TFDP2: variants seen among roughly 807,000 people sequenced by gnomAD.
The protein encoded by TFDP2 is transcription factor Dp-2 (E2F dimerization partner 2).
A neutral mutation model predicts 59.3 loss-of-function variants in TFDP2; 17 were observed. That is an observed-to-expected ratio of 0.29 (90% CI 0.20 to 0.43). The LOEUF is 0.43. Ranked by LOEUF, TFDP2 falls within the 20% of genes least tolerant of loss-of-function variation. TFDP2 has a pLI of 1.00. For missense variants in TFDP2, 391 were observed against 528.8 expected (o/e 0.74, Z 2.56); for synonymous variants, 180 against 194.7 (o/e 0.92, Z 0.63).
chr3:142,041,029 C>T (rs1946940759), intron 3 of TFDP2, among the ~76,000 whole-genome samples: 1 of 152,282 alleles, frequency 6.6e-6, no homozygotes. Context: ...AATCTGTCTC[C>T]TTCAGCTGTA....
intron 1 of TFDP2, among the ~76,000 whole-genome samples, chr3:142,139,424 T>G (rs1365964115): frequency 5.3e-5 from 8 of 152,180 alleles, no homozygotes; most frequent in African/African-American, 1.9e-4. Flanking sequence ...GTTAGCTGGT[T>G]ATTTTGCCTG....
intron 1 of TFDP2, among the ~76,000 whole-genome samples, chr3:142,130,028 C>T (rs542500968): frequency 5.9e-5 from 9 of 152,038 alleles, no homozygotes; most frequent in African/African-American, 2.2e-4. Flanking sequence ...GAAAATAATA[C>T]GGCAGTTTCT....
At chr3:142,049,099 A>T (rs928873823) in intron 3 of TFDP2, among the ~76,000 whole-genome samples, 1 of 152,254 alleles carries the variant, frequency 6.6e-6, no homozygotes, top group Non-Finnish European at 1.5e-5. Context: ...AGAGAAAGTA[A>T]GATGGCAACT....
intron 3 of TFDP2, among the ~76,000 whole-genome samples, chr3:142,068,261 C>T (rs112479464): frequency 0.012 from 1,759 of 152,176 alleles, 39 homozygotes; most frequent in African/African-American, 0.041. Context: ...ATTCTTTATA[C>T]CTGTCATAAA....
intron 1 of TFDP2, among the ~76,000 whole-genome samples, chr3:142,102,620 A>G (rs1380114626): frequency 6.6e-6 from 1 of 152,244 alleles, no homozygotes; most frequent in Non-Finnish European, 1.5e-5. Context: ...TAGCGTTGAA[A>G]TATCTCCCTA....
At chr3:142,048,274 G>T (rs920530178) in intron 3 of TFDP2, among the ~76,000 whole-genome samples, 1 of 151,952 alleles carries the variant, frequency 6.6e-6, no homozygotes, top group Non-Finnish European at 1.5e-5. Flanking sequence ...AATTAGCTGG[G>T]CATGGTGGCA....
chr3:142,041,607 T>C (rs1000800227), intron 3 of TFDP2, among the ~76,000 whole-genome samples: 1 of 152,242 alleles, frequency 6.6e-6, no homozygotes, highest in Non-Finnish European at 1.5e-5. Context: ...CTTCTCTTTA[T>C]AAATTACCAA....
chr3:141,954,268 T>C (rs1936289157), intron 11 of TFDP2, among the ~76,000 whole-genome samples: 1 of 152,230 alleles, frequency 6.6e-6, no homozygotes, highest in South Asian at 2.1e-4. Flanking sequence ...TCAATTCTTA[T>C]TGTAATTTTA....
At chr3:142,023,482 C>T (rs907841266) in intron 3 of TFDP2, among the ~76,000 whole-genome samples, 3 of 151,962 alleles carry the variant, frequency 2.0e-5, no homozygotes, top group Non-Finnish European at 2.9e-5. Context: ...TGAACCACCA[C>T]GCCTGGCTGG....
intron 8 of TFDP2, among the ~76,000 whole-genome samples, chr3:141,971,041 A>G (rs963896062): frequency 2.0e-5 from 3 of 151,680 alleles, no homozygotes; most frequent in African/African-American, 7.3e-5. Context: ...CTGGACAACA[A>G]AGCAAGACCC....
chr3:141,967,041 T>C (rs577011131), intron 9 of TFDP2, among the ~76,000 whole-genome samples: 2 of 149,942 alleles, frequency 1.3e-5, no homozygotes, highest in South Asian at 2.1e-4. Context: ...CTCAGCCTCC[T>C]GAGTACCTGA....
chr3:141,990,832 C>G (rs1456918942), intron 6 of TFDP2, among the ~76,000 whole-genome samples: 1 of 151,998 alleles, frequency 6.6e-6, no homozygotes, highest in African/African-American at 2.4e-5. Context: ...CTGAGGCGGG[C>G]AGATTGCAAG....
At chr3:142,148,230 G>C (rs1340488441) in intron 1 of TFDP2, among the ~76,000 whole-genome samples, 1 of 152,034 alleles carries the variant, frequency 6.6e-6, no homozygotes, top group South Asian at 2.1e-4. Flanking sequence ...CTGAAAGAAA[G>C]CAAATAAGTG....
intron 6 of TFDP2, among the ~76,000 whole-genome samples, chr3:141,981,352 A>C (rs1941467797): frequency 6.6e-6 from 1 of 152,208 alleles, no homozygotes. Flanking sequence ...GATGATGTTC[A>C]CACAACGATG....
chr3:142,005,333 G>A (rs1166349018), intron 4 of TFDP2, 108 bp downstream of exon 4: 14 of 882,876 alleles, frequency 1.6e-5, no homozygotes, highest in African/African-American at 5.1e-5. Flanking sequence ...GCCACCTACC[G>A]CGCCTGGTTT....
In TFDP2 at chr3:141,969,100, A is replaced by C. The variant is rs1156475285; in HGVS notation, c.732+973T>G. Among the ~76,000 whole-genome samples, 8 of 87,608 alleles carry C rather than the reference A, an allele frequency of 9.1e-5. 2 individuals carry two copies. The highest frequency in any genetic ancestry group is 3.0e-4 in the Admixed American group (2 of 6,760). 57.5% of individuals were successfully genotyped at this position (87,608 alleles called of 152,430 possible). A position where few individuals can be genotyped will look rare whatever the true frequency, so the allele number is the denominator to read the frequency against. On this transcript the variant is annotated intron_variant, in intron 9 of 12. Coordinates refer to ENST00000489671, the MANE Select transcript of TFDP2 (RefSeq NM_001178139.2). ...AGATATATATATATAACATATATAT[A>C]TATCTCATATATATGAGATATATAT...
chr3:142,099,049 G>A (rs962262955), intron 2 of TFDP2, among the ~76,000 whole-genome samples: 4 of 152,216 alleles, frequency 2.6e-5, no homozygotes, highest in African/African-American at 4.8e-5. Context: ...TCAGAGACAT[G>A]TAAAATGAGA....
chr3:142,069,242 A>G (rs969345057), intron 3 of TFDP2, among the ~76,000 whole-genome samples: 3 of 152,138 alleles, frequency 2.0e-5, no homozygotes, highest in African/African-American at 7.2e-5. Context: ...TGTCTTCTAG[A>G]TCATTCTATA....
intron 1 of TFDP2, among the ~76,000 whole-genome samples, chr3:142,135,985 C>T (rs2062719611): frequency 6.6e-6 from 1 of 152,078 alleles, no homozygotes; most frequent in Non-Finnish European, 1.5e-5. Context: ...GCCACACTGT[C>T]TTCCACAATG....
Sources: allele counts gnomAD v4.1 joint callset (sites outside exome capture counted in the v4.1 genomes callset), GRCh38; gene constraint gnomAD v4.1.1; transcripts MANE v1.5; gene names NCBI Gene and HGNC (gene_info 2026-07-23, HGNC 2026-07-21).